The following SMARCC2 variants were observed in gnomAD, a reference collection of about 807,000 sequenced individuals.
The protein encoded by SMARCC2 is SWI/SNF complex subunit SMARCC2.
Under a neutral mutation model 151.3 loss-of-function variants are expected in SMARCC2, and 15 were observed. The observed-to-expected ratio is 0.10, with a 90% CI of 0.07 to 0.15. SMARCC2 has a LOEUF of 0.15. Ranked by LOEUF, SMARCC2 falls within the 10% of genes least tolerant of loss-of-function variation. SMARCC2 has a pLI of 1.00. For missense variants in SMARCC2, 1,031 were observed against 1,599.7 expected (o/e 0.64, Z 6.06); for synonymous variants, 590 against 609.5 (o/e 0.97, Z 0.47).
chr12:56,183,625 T>C lies in SMARCC2; in HGVS notation c.632+236A>G, dbSNP rs559182174. ...TTAGATTGTTTCTAACATTTACTTA[T>C]CGAAAATGATGCTGGGATAATCAAT... On this transcript the variant is annotated intron_variant, in intron 7 of 28. Coordinates refer to ENST00000550164, the MANE Select transcript of SMARCC2 (RefSeq NM_001330288.2). 5.1e-4 allele frequency: 218 copies of C among 426,016 alleles called. 4 individuals are homozygous for C. In the South Asian group the frequency reaches 8.7e-3, roughly 17 times the overall value. The allele number at this position is 426,016 out of a possible 1,614,324, so 26.4% of individuals were successfully genotyped here.
Position 56,164,381 on chromosome 12 carries a change from C to G in SMARCC2, c.3583G>C (p.Gly1195Arg). 1.2e-6 allele frequency: 2 copies of G among 1,613,760 alleles called. No individual in the cohort carries two copies. The highest frequency in any genetic ancestry group is 4.5e-5 in the East Asian group (2 of 44,884). The change falls in exon 28 of 29, where the codon GGA (glycine) becomes CGA (arginine). Residue 1195 changes from glycine to arginine, a missense_variant. Gly to Arg is a moderately radical substitution (Grantham distance 125). Around this residue, in one of 12 missense-constraint regions of SMARCC2, gnomAD observed 310 missense variants for 350.0 expected, o/e 0.89. Transcript: ENST00000550164. ...PSSLPLGPGL[G>R]SAAAQSPAIV... Reference sequence around the variant, plus strand: ...GCAGGGCTTTGGGCTGCGGCGGATCCGAGCCCCGGCCCGAGAGGCAAGGAA... The same window carrying G: ...GCAGGGCTTTGGGCTGCGGCGGATCGGAGCCCCGGCCCGAGAGGCAAGGAA...
At chr12:56,165,038 G>A (rs1447578711) in intron 27 of SMARCC2, among the ~76,000 whole-genome samples, 2 of 152,016 alleles carry the variant, frequency 1.3e-5, no homozygotes, top group Admixed American at 6.5e-5. Flanking sequence ...CACCCATTTC[G>A]GCCTCCCAAA....
Position 56,186,146 on chromosome 12 carries a change from T to A in SMARCC2, c.317+9A>T. The stretch of plus-strand genomic sequence containing the variant: ...CTAAATATAAGAAGAATAGAGAGAA[T>A]CATCTCACCATCCCTGGTCACTCTT... On this transcript the variant is annotated intron_variant, in intron 3 of 28. Coordinates refer to ENST00000550164, the MANE Select transcript of SMARCC2 (RefSeq NM_001330288.2). The A allele has an allele frequency of 1.3e-6, 2 of 1,564,718 alleles. No homozygotes were observed. Among genetic ancestry groups the A allele is most frequent in the Non-Finnish European group, 1.8e-6 (2 of 1,135,010 alleles).
intron 26 of SMARCC2, 109 bp downstream of exon 26, chr12:56,167,951 A>ACACAC (rs1873133807): frequency 7.3e-6 from 5 of 689,490 alleles, no homozygotes; most frequent in African/African-American, 2.3e-5. Flanking sequence ...CTTTCACTGA[A>ACACAC]ACACACACAC....
Position 56,184,824 on chromosome 12 carries a change from C to A in SMARCC2, c.492+20G>T. 1 of 1,445,390 alleles carries A rather than the reference C, an allele frequency of 6.9e-7. No homozygotes were observed. Among genetic ancestry groups the A allele is most frequent in the South Asian group, 1.1e-5 (1 of 87,596 alleles). The allele number at this position is 1,445,390 out of a possible 1,614,324, so 89.5% of individuals were successfully genotyped here. A position where few individuals can be genotyped will look rare whatever the true frequency, so the allele number is the denominator to read the frequency against. On this transcript the variant is annotated intron_variant, in intron 5 of 28. Coordinates refer to ENST00000550164, the MANE Select transcript of SMARCC2 (RefSeq NM_001330288.2). ...AACAGTCATGGAGTTTCTGAAACCT[C>A]TCCTCACCAGACCATTTACCTGGTG...
At position 56,171,495 on chromosome 12, in the gene SMARCC2, C is replaced by A; in HGVS notation, c.2186-63G>T. 1 of 1,599,740 alleles carries A rather than the reference C, an allele frequency of 6.3e-7. No homozygotes were observed. Among genetic ancestry groups the A allele is most frequent in the Non-Finnish European group, 8.6e-7 (1 of 1,168,468 alleles). Reference sequence around the variant, plus strand: ...AGTGGAACAGTTCTGGCAATCCCTGCAAAAGCTTACTCACAAGCCCATGTC... The same window carrying A: ...AGTGGAACAGTTCTGGCAATCCCTGAAAAAGCTTACTCACAAGCCCATGTC... On this transcript the variant is annotated intron_variant, in intron 21 of 28. Transcript: ENST00000550164. This position sits in a 1 kb window ranked among gnomAD's most constrained non-coding sequence, Gnocchi z 4.2.
chr12:56,167,986 AC>A, intron 26 of SMARCC2, 73 bp downstream of exon 26: 1 of 1,453,438 alleles, frequency 6.9e-7, no homozygotes, highest in Non-Finnish European at 9.5e-7. Flanking sequence ...ACACACACAC[AC>A]ACACACACAC....
chr12:56,184,810 A>G, intron 5 of SMARCC2, 34 bp downstream of exon 5: 3 of 1,242,758 alleles, frequency 2.4e-6, no homozygotes, highest in Non-Finnish European at 3.6e-6. Flanking sequence ...ACAGTCATGG[A>G]GTTTCTGAAA....
At chr12:56,167,951 A>ACAC (rs1873133807) in intron 26 of SMARCC2, 109 bp downstream of exon 26, 10 of 689,488 alleles carry the variant, frequency 1.5e-5, no homozygotes, top group Non-Finnish European at 2.2e-5. Context: ...CTTTCACTGA[A>ACAC]ACACACACAC....
intron 20 of SMARCC2, chr12:56,172,143 G>T: frequency 1.7e-6 from 1 of 572,360 alleles, no homozygotes; most frequent in South Asian, 2.4e-5. Context: ...GCCTGGAGCT[G>T]GTCCTGAAGC....
intron 15 of SMARCC2, among the ~76,000 whole-genome samples, chr12:56,177,640 A>C (rs1565910770): frequency 6.6e-6 from 1 of 152,142 alleles, no homozygotes; most frequent in African/African-American, 2.4e-5. Context: ...ATTAAAACCT[A>C]CTCTCAGGAA....
rs749542555 is a variant in SMARCC2 at position 56,164,307 on chromosome 12, C to T, written c.3657G>A (p.Leu1219=). The part of the protein sequence containing the change: ...QGNLLPSASP[L]PDPGTPLPPD... ...CCCCTCTTGGCCCCTTCTCACCTGG[C>T]AGTGGGCTGGCACTGGGCAGGAGGT... is the stretch of plus-strand genomic sequence containing the variant. The change falls in exon 28 of 29, where the codon CTG becomes CTA. Residue 1219 remains leucine (L), a synonymous_variant. Coordinates refer to ENST00000550164, the MANE Select transcript of SMARCC2 (RefSeq NM_001330288.2). 1.9e-6 allele frequency: 3 copies of T among 1,612,642 alleles called. No individual in the cohort carries two copies. The East Asian group carries it at 6.7e-5, about 36-fold the overall frequency.
At chr12:56,167,139 A>T (rs1474578681) in intron 26 of SMARCC2, among the ~76,000 whole-genome samples, 1 of 150,028 alleles carries the variant, frequency 6.7e-6, no homozygotes, top group Non-Finnish European at 1.5e-5. Context: ...ATCACCTGAG[A>T]TCGGGAGTTC....
chr12:56,168,456 C>T (rs964445726), intron 25 of SMARCC2, among the ~76,000 whole-genome samples: 2 of 151,404 alleles, frequency 1.3e-5, no homozygotes, highest in African/African-American at 2.4e-5. Context: ...CTCACTGTAA[C>T]CTCTACCTCC....
At chr12:56,178,213 G>T in intron 14 of SMARCC2, 120 bp from the exon 15 acceptor site, 1 of 969,828 alleles carries the variant, frequency 1.0e-6, no homozygotes, top group Non-Finnish European at 1.6e-6. Context: ...GAAGTTAGAA[G>T]CTTGGGGAGA....
At chr12:56,181,948 G>T in intron 8 of SMARCC2, 56 bp downstream of exon 8, 1 of 1,586,250 alleles carries the variant, frequency 6.3e-7, no homozygotes, top group Non-Finnish European at 8.6e-7. Flanking sequence ...CACTTCCAAA[G>T]GGTAGACTGT....
intron 27 of SMARCC2, among the ~76,000 whole-genome samples, 169 bp from the exon 28 acceptor site, chr12:56,164,900 G>T (rs1479125063): frequency 6.6e-6 from 1 of 152,054 alleles, no homozygotes; most frequent in African/African-American, 2.4e-5. Flanking sequence ...GCAATCTCCT[G>T]CCTCAGCCTC....
At chr12:56,176,969 G>A (rs532779458) in intron 15 of SMARCC2, among the ~76,000 whole-genome samples, 4 of 151,156 alleles carry the variant, frequency 2.6e-5, no homozygotes, top group Admixed American at 6.6e-5. Context: ...TTACAGGCAC[G>A]TGCCACCACG....
chr12:56,176,530 T>C (rs148320745), intron 15 of SMARCC2, among the ~76,000 whole-genome samples: 2,110 of 152,102 alleles, frequency 0.014, 44 homozygotes, highest in African/African-American at 0.049. Flanking sequence ...CAGGCTGGAG[T>C]GCAGTGGCGC....
Sources: allele counts gnomAD v4.1 joint callset (sites outside exome capture counted in the v4.1 genomes callset), GRCh38; gene constraint gnomAD v4.1.1; regional missense constraint gnomAD v4.1.1; non-coding constraint Gnocchi (gnomAD v3.1); transcripts MANE v1.5; gene names NCBI Gene and HGNC (gene_info 2026-07-23, HGNC 2026-07-21).